NAV3: variants seen among roughly 807,000 people sequenced by gnomAD.
The protein encoded by NAV3 is pore membrane and/or filament interacting like protein 1.
NAV3 carries 87 observed loss-of-function variants against 244.7 expected under a neutral mutation model. That is an observed-to-expected ratio of 0.36 (90% confidence interval 0.30 to 0.42). NAV3 has a LOEUF of 0.42. Among genes scored for constraint, NAV3 ranks in the 20% least tolerant of loss-of-function variants. NAV3 has a pLI of 1.00. For synonymous variants in NAV3, 1,126 were observed against 1,042.2 expected, an observed-to-expected ratio of 1.08 and a Z score of -1.55; for missense variants, 2,663 against 2,893.3, an observed-to-expected ratio of 0.92 and a Z score of 1.83.
chr12:78,143,328 T>G, intron 20 of NAV3: 1 of 453,104 alleles, frequency 2.2e-6, no homozygotes, highest in East Asian at 7.2e-5. Context: ...TTATGGTTTT[T>G]GTGTTTGTTT....
intron 3 of NAV3, among the ~76,000 whole-genome samples, chr12:77,951,437 G>A (rs527309721): frequency 6.6e-6 from 1 of 152,330 alleles, no homozygotes; most frequent in Admixed American, 6.5e-5. Context: ...TGGAGAGGAT[G>A]TGGAGAAATG....
intron 2 of NAV3, among the ~76,000 whole-genome samples, chr12:77,616,214 C>T (rs1871137517): frequency 6.6e-6 from 1 of 151,862 alleles, no homozygotes; most frequent in Non-Finnish European, 1.5e-5. Flanking sequence ...CGAGACTAGA[C>T]TGGCCAACGT....
At chr12:77,621,014 G>C (rs1273567184) in intron 2 of NAV3, among the ~76,000 whole-genome samples, 1 of 152,152 alleles carries the variant, frequency 6.6e-6, no homozygotes, top group African/African-American at 2.4e-5. Context: ...AAACTGAGAA[G>C]GGGTGAAAAA....
intron 12 of NAV3, among the ~76,000 whole-genome samples, chr12:78,104,350 C>T (rs1954693908): frequency 6.6e-6 from 1 of 152,148 alleles, no homozygotes; most frequent in Non-Finnish European, 1.5e-5. Context: ...GCATTTTCCT[C>T]AAATCAATTT....
chr12:77,647,088 G>A (rs1023597465), intron 2 of NAV3, among the ~76,000 whole-genome samples: 8 of 137,792 alleles, frequency 5.8e-5, no homozygotes, highest in South Asian at 2.3e-4. Flanking sequence ...ACACACACAC[G>A]TATATGTACC....
chr12:78,158,754 T>C (rs571097520), intron 22 of NAV3, among the ~76,000 whole-genome samples: 7 of 152,308 alleles, frequency 4.6e-5, no homozygotes, highest in East Asian at 1.9e-4. Flanking sequence ...ATCATTACAA[T>C]AGAGCAGCTA....
intron 1 of NAV3, among the ~76,000 whole-genome samples, chr12:77,872,534 G>A (rs1235302344): frequency 6.6e-6 from 1 of 152,124 alleles, no homozygotes; most frequent in Non-Finnish European, 1.5e-5. Context: ...CTTTATGCTT[G>A]GGGAAGTTCT....
chr12:77,861,095 GC>G, intron 1 of NAV3, among the ~76,000 whole-genome samples: 1 of 151,838 alleles, frequency 6.6e-6, no homozygotes, highest in Non-Finnish European at 1.5e-5. Context: ...TCAGCTTGAA[GC>G]CATAACCATG....
chr12:77,964,261 G>C (rs1019497293), intron 3 of NAV3, among the ~76,000 whole-genome samples: 2 of 152,038 alleles, frequency 1.3e-5, no homozygotes, highest in Non-Finnish European at 2.9e-5. Flanking sequence ...GAGCTAATCT[G>C]TTCATGTATA....
rs2137226983 is a variant in NAV3 at position 78,050,045 on chromosome 12, G to C, written c.2076G>C (p.Leu692Phe). ...RMRTVKNIADLRQNLEETMSS... is the reference protein window; with the variant it reads ...RMRTVKNIADFRQNLEETMSS... ...GAACAGTTAAAAACATAGCAGACTTGAGGCAGAATTTAGAAGAGACTATGT... is the reference window on the plus strand; with the variant it reads ...GAACAGTTAAAAACATAGCAGACTTCAGGCAGAATTTAGAAGAGACTATGT... The change falls in exon 10 of 40, where the codon TTG becomes TTC. Residue 692 changes from leucine to phenylalanine, a missense_variant. Around this residue, in one of 6 missense-constraint regions of NAV3, gnomAD observed 1,521 missense variants for 1,497.0 expected, o/e 1.02. Transcript: ENST00000397909. The C allele has an allele frequency of 1.2e-6, 2 of 1,613,324 alleles. No homozygotes were observed. Among genetic ancestry groups the C allele is most frequent in the Non-Finnish European group, 1.7e-6 (2 of 1,179,734 alleles).
chr12:78,137,982 A>G (rs1278578958), intron 19 of NAV3, among the ~76,000 whole-genome samples: 1 of 152,136 alleles, frequency 6.6e-6, no homozygotes, highest in East Asian at 1.9e-4. Flanking sequence ...AAATATATAT[A>G]TTTTTGTAAA....
At chr12:77,773,808 A>G (rs1425622090) in intron 2 of NAV3, among the ~76,000 whole-genome samples, 1 of 152,134 alleles carries the variant, frequency 6.6e-6, no homozygotes, top group East Asian at 1.9e-4. Context: ...TAATTGTGTA[A>G]TTACACTATT....
intron 8 of NAV3, among the ~76,000 whole-genome samples, chr12:78,011,971 G>C (rs1297290175): frequency 6.6e-6 from 1 of 152,010 alleles, no homozygotes; most frequent in African/African-American, 2.4e-5. Flanking sequence ...ACTATCAGGA[G>C]AACAGCATGG....
intron 2 of NAV3, among the ~76,000 whole-genome samples, chr12:77,822,925 CTT>C (rs1872807409): frequency 6.6e-6 from 1 of 152,170 alleles, no homozygotes; most frequent in African/African-American, 2.4e-5. Context: ...TAATTTGACT[CTT>C]TACTTCTGCT....
intron 24 of NAV3, among the ~76,000 whole-genome samples, chr12:78,171,886 A>G (rs576504658): frequency 6.6e-6 from 1 of 151,684 alleles, no homozygotes; most frequent in East Asian, 1.9e-4. Context: ...CCACACACCA[A>G]TTTGTGAATG....
intron 2 of NAV3, among the ~76,000 whole-genome samples, chr12:77,794,635 G>T (rs1008245558): frequency 6.6e-6 from 1 of 152,178 alleles, no homozygotes; most frequent in East Asian, 1.9e-4. Context: ...CTAATTGAAG[G>T]TTTGTGGCAA....
chr12:77,828,426 G>A (rs1295376218), upstream of NAV3, among the ~76,000 whole-genome samples: 2 of 152,256 alleles, frequency 1.3e-5, no homozygotes. Context: ...AACACAGTGG[G>A]TTCGAGATGA....
chr12:77,868,755 CAAAAAAAAA>C (rs35998964), intron 1 of NAV3, among the ~76,000 whole-genome samples: 42 of 103,642 alleles, frequency 4.1e-4, no homozygotes, highest in Non-Finnish European at 2.8e-4. Flanking sequence ...GACTCCATCT[CAAAAAAAAA>C]AAAAAAAGAA....
intron 1 of NAV3, among the ~76,000 whole-genome samples, chr12:77,879,274 C>A (rs1307027773): frequency 2.0e-5 from 3 of 152,112 alleles, no homozygotes; most frequent in Non-Finnish European, 4.4e-5. Flanking sequence ...TAAATAAACT[C>A]TTTACACACT....
Sources: allele counts gnomAD v4.1 joint callset (sites outside exome capture counted in the v4.1 genomes callset), GRCh38; gene constraint gnomAD v4.1.1; regional missense constraint gnomAD v4.1.1; transcripts MANE v1.5; gene names NCBI Gene and HGNC (gene_info 2026-07-23, HGNC 2026-07-21).